MAML3: variants seen among roughly 807,000 people sequenced by gnomAD.
MAML3 encodes mastermind-like protein 3.
Under a neutral mutation model 101.9 loss-of-function variants are expected in MAML3, and 27 were observed. That is an observed-to-expected ratio of 0.27 (90% CI 0.20 to 0.37). The LOEUF is 0.37. Ranked by LOEUF, MAML3 falls within the 10% of genes least tolerant of loss-of-function variation. The pLI is 1.00. For synonymous variants in MAML3, 501 were observed against 555.9 expected (o/e 0.90, Z 1.39); for missense variants, 1,316 against 1,444.9 (o/e 0.91, Z 1.45).
At chr4:139,827,304 A>G (rs1731077905) in intron 2 of MAML3, among the ~76,000 whole-genome samples, 1 of 152,218 alleles carries the variant, frequency 6.6e-6, no homozygotes, top group East Asian at 1.9e-4. Flanking sequence ...TATGATGTGT[A>G]ATAGGAACAG....
intron 2 of MAML3, among the ~76,000 whole-genome samples, chr4:139,737,472 G>T (rs766175421): frequency 1.3e-5 from 2 of 152,134 alleles, no homozygotes; most frequent in Non-Finnish European, 2.9e-5. Context: ...TGGGAAGGGG[G>T]TGGGGAGAGG....
chr4:140,132,611 C>G (rs551084814), intron 1 of MAML3, among the ~76,000 whole-genome samples: 1 of 152,288 alleles, frequency 6.6e-6, no homozygotes, highest in East Asian at 1.9e-4. Context: ...AGTTGGCGAC[C>G]ACTTTAAAAG....
At chr4:139,937,472 C>T (rs1035198470) in intron 1 of MAML3, among the ~76,000 whole-genome samples, 1 of 151,864 alleles carries the variant, frequency 6.6e-6, no homozygotes, top group African/African-American at 2.4e-5. Context: ...CTGCAACCTC[C>T]GCCTCCCAGG....
At position 139,983,853 on chromosome 4, in the gene MAML3, G is replaced by T. The variant is rs530876451; in HGVS notation, c.469-92886C>A. On this transcript the variant is annotated intron_variant, in intron 1 of 4. Transcript: ENST00000509479. The stretch of plus-strand genomic sequence containing the variant: ...ATCCATGGTCAAGAGTTTCAAGAGG[G>T]AATGGTCAGCACCCCCATGTGTTTT... Among the ~76,000 whole-genome samples the T allele has an allele frequency of 7.2e-5, 11 of 152,270 alleles. No homozygotes were observed. In the South Asian group the frequency reaches 1.0e-3, roughly 14 times the overall value.
At chr4:139,858,739 C>T (rs1463302328) in intron 2 of MAML3, among the ~76,000 whole-genome samples, 2 of 152,082 alleles carry the variant, frequency 1.3e-5, no homozygotes, top group African/African-American at 2.4e-5. Context: ...TGTGATCACC[C>T]GGGCAGCTCT....
At chr4:139,942,748 T>C (rs930617279) in intron 1 of MAML3, among the ~76,000 whole-genome samples, 1 of 152,166 alleles carries the variant, frequency 6.6e-6, no homozygotes, top group Non-Finnish European at 1.5e-5. Context: ...GTAAACTATA[T>C]AGAAACACAT....
At chr4:139,977,639 G>A (rs771195378) in intron 1 of MAML3, among the ~76,000 whole-genome samples, 12 of 152,122 alleles carry the variant, frequency 7.9e-5, no homozygotes, top group African/African-American at 2.2e-4. Context: ...TTGGGAGGCC[G>A]AGGCGGTTGG....
intron 1 of MAML3, among the ~76,000 whole-genome samples, chr4:139,948,971 T>C (rs1014525199): frequency 1.4e-4 from 21 of 152,174 alleles, no homozygotes; most frequent in Non-Finnish European, 7.4e-5. Context: ...CTCTACGCCT[T>C]ATTGACATGC....
chr4:140,099,540 A>C (rs994711301), intron 1 of MAML3, among the ~76,000 whole-genome samples: 2 of 152,162 alleles, frequency 1.3e-5, no homozygotes, highest in African/African-American at 2.4e-5. Context: ...GGGTAAGGCA[A>C]GGTTTCATGG....
chr4:139,875,916 C>CAAAAAAA (rs57104878), intron 2 of MAML3, among the ~76,000 whole-genome samples: 2 of 81,572 alleles, frequency 2.5e-5, no homozygotes, highest in African/African-American at 4.5e-5. Flanking sequence ...TCACAAACAG[C>CAAAAAAA]AAAAAAAAAA....
chr4:139,777,828 C>T (rs1730120266), intron 2 of MAML3, among the ~76,000 whole-genome samples: 1 of 152,248 alleles, frequency 6.6e-6, no homozygotes, highest in African/African-American at 2.4e-5. Context: ...CTGCCCTCTG[C>T]TGAACCCTTA....
Position 139,988,654 on chromosome 4 carries a change from G to A in MAML3, c.469-97687C>T, listed in dbSNP as rs552188349. On this transcript the variant is annotated intron_variant, in intron 1 of 4. Transcript: ENST00000509479. The stretch of plus-strand genomic sequence containing the variant: ...ACAACAGGGACAGGAAGGGGCAAAA[G>A]AGGGCATTTAAGAGAGTAGAAATAT... Among the ~76,000 whole-genome samples, 13 of 152,336 alleles carry A rather than the reference G, an allele frequency of 8.5e-5. 1 individual carries two copies. In the East Asian group the frequency reaches 2.5e-3, roughly 29 times the overall value.
intron 2 of MAML3, among the ~76,000 whole-genome samples, chr4:139,838,400 T>G (rs1219479860): frequency 6.6e-6 from 1 of 152,212 alleles, no homozygotes; most frequent in East Asian, 1.9e-4. Context: ...TCCCTCTGTC[T>G]CATATCATTT....
chr4:139,916,944 A>G (rs1375801945), intron 1 of MAML3, among the ~76,000 whole-genome samples: 1 of 152,226 alleles, frequency 6.6e-6, no homozygotes, highest in Non-Finnish European at 1.5e-5. Context: ...TAATGCAGAT[A>G]TACATTTCTT....
intron 1 of MAML3, among the ~76,000 whole-genome samples, chr4:140,000,665 G>A (rs11936715): frequency 0.014 from 2,172 of 152,216 alleles, 49 homozygotes; most frequent in African/African-American, 0.048. Flanking sequence ...GGTGGGGAAC[G>A]GGACAAAGAT....
At chr4:139,816,087 G>C (rs919081239) in intron 2 of MAML3, among the ~76,000 whole-genome samples, 7 of 152,100 alleles carry the variant, frequency 4.6e-5, no homozygotes, top group African/African-American at 1.7e-4. Context: ...GGAAGAGAGG[G>C]GAGTGCGAAG....
intron 1 of MAML3, among the ~76,000 whole-genome samples, chr4:139,902,875 G>C (rs375066557): frequency 3.3e-5 from 5 of 152,206 alleles, no homozygotes; most frequent in South Asian, 2.1e-4. Context: ...CTGAGCCCGG[G>C]TGGACCCTTT....
chr4:139,910,804 G>A (rs1183233560), intron 1 of MAML3, among the ~76,000 whole-genome samples: 1 of 152,164 alleles, frequency 6.6e-6, no homozygotes, highest in Non-Finnish European at 1.5e-5. Context: ...TGACACTAAG[G>A]AAGGAAGGAC....
intron 2 of MAML3, among the ~76,000 whole-genome samples, chr4:139,743,444 T>G (rs67917842): frequency 0.23 from 35,077 of 152,218 alleles, 4,291 homozygotes; most frequent in Admixed American, 0.35. Context: ...TTCCCCTTTG[T>G]GTTTCTGTTT....
Sources: gnomAD v4.1 joint callset for allele counts (sites outside exome capture counted in the v4.1 genomes callset) on GRCh38, gnomAD v4.1.1 for gene constraint, MANE v1.5 for transcripts, NCBI Gene and HGNC (gene_info 2026-07-23, HGNC 2026-07-21) for gene names.